Variants in TAF1 observed in about 807,000 individuals in gnomAD.
The protein encoded by TAF1 is transcription initiation factor TFIID subunit 1.
Under a neutral mutation model 138.5 loss-of-function variants are expected in TAF1, and 2 were observed. The observed-to-expected ratio is 0.01, with a 90% CI of 0.01 to 0.05. TAF1 has a LOEUF of 0.05. Among genes scored for constraint, TAF1 ranks in the 10% least tolerant of loss-of-function variants. The pLI is 1.00. For synonymous variants in TAF1, 437 were observed against 503.2 expected (o/e 0.87, Z 1.76); for missense variants, 709 against 1,478.0 (o/e 0.48, Z 8.53).
At chrX:71,499,611 T>C (rs1184047787) in intron 13 of TAF1, among the ~76,000 whole-genome samples, 1 of 111,693 alleles carries the variant, frequency 9.0e-6, no homozygotes, top group African/African-American at 3.3e-5. Flanking sequence ...TAATTCTCTT[T>C]AGTCCTTCTA....
chrX:71,517,370 T>C (rs1317530435), intron 13 of TAF1, among the ~76,000 whole-genome samples: 1 of 112,326 alleles, frequency 8.9e-6, no homozygotes, highest in East Asian at 2.8e-4. Flanking sequence ...GGATAAATGC[T>C]TGAGGTGACA....
chrX:71,424,123 G>GTA (rs1269934621), intron 31 of TAF1, 31 bp from the exon 32 acceptor site: 55 of 1,191,931 alleles, frequency 4.6e-5, no homozygotes, highest in Non-Finnish European at 6.1e-5. Context: ...GTGTGTGTGT[G>GTA]TATCTGAGTG....
At chrX:71,373,411 G>T (rs756539063) in intron 3 of TAF1, among the ~76,000 whole-genome samples, 1 of 106,257 alleles carries the variant, frequency 9.4e-6, no homozygotes, top group Non-Finnish European at 1.9e-5. Flanking sequence ...CAGGCAATCC[G>T]CTCGCCTCAG....
intron 18 of TAF1, among the ~76,000 whole-genome samples, chrX:71,391,135 A>G (rs2034540208): frequency 9.0e-6 from 1 of 111,674 alleles, no homozygotes; most frequent in African/African-American, 3.2e-5. Flanking sequence ...CCTGGCCTCT[A>G]CTTTCTTCCC....
chrX:71,473,926 C>T (rs1388342962), intron 13 of TAF1, among the ~76,000 whole-genome samples: 1 of 110,595 alleles, frequency 9.0e-6, no homozygotes, highest in Middle Eastern at 4.2e-3. Context: ...AGGGTGATCA[C>T]CTGAAGTCAA....
At chrX:71,475,712 G>A (rs1033574215) in intron 13 of TAF1, among the ~76,000 whole-genome samples, 1 of 111,313 alleles carries the variant, frequency 9.0e-6, no homozygotes, top group African/African-American at 3.3e-5. Context: ...AGACAGTCTA[G>A]ATTCATGAAT....
chrX:71,501,241 T>C, intron 13 of TAF1, among the ~76,000 whole-genome samples: 1 of 110,741 alleles, frequency 9.0e-6, no homozygotes, highest in South Asian at 3.9e-4. Context: ...GAATAGCTTT[T>C]GTTAGGCCTG....
chrX:71,366,554 G>A (rs936719491), intron 1 of TAF1, 60 bp downstream of exon 1: 1 of 1,056,564 alleles, frequency 9.5e-7, no homozygotes, highest in Non-Finnish European at 1.3e-6. Flanking sequence ...GGAAGGAGGT[G>A]CGGGGAGGAA....
At chrX:71,508,955 T>C (rs769618952) in intron 13 of TAF1, among the ~76,000 whole-genome samples, 2 of 109,043 alleles carry the variant, frequency 1.8e-5, no homozygotes, top group South Asian at 7.9e-4. Context: ...TATGGGAGCG[T>C]GCCACCACAG....
At chrX:71,447,736 C>A (rs2037765274) in intron 32 of TAF1, among the ~76,000 whole-genome samples, 1 of 110,031 alleles carries the variant, frequency 9.1e-6, no homozygotes, top group Non-Finnish European at 1.9e-5. Context: ...TGCTTTCCCC[C>A]CTTACTGGAA....
At position 71,512,817 on chromosome X, in the gene TAF1, C is replaced by CA. The variant is rs1050524867; in HGVS notation, c.1367-15715dup. The stretch of plus-strand genomic sequence containing the variant: ...TGGACAACAGAGCATGACTCAGTCT[C>CA]AAAAAAAAAAGTACATAGTACATAC... On this transcript the variant is annotated intron_variant and NMD_transcript_variant, in intron 13 of 14. Transcript: ENST00000373775. Among the ~76,000 whole-genome samples, 18 of 103,691 alleles carry CA rather than the reference C, an allele frequency of 1.7e-4. No homozygotes were observed. In the East Asian group the frequency reaches 2.7e-3, roughly 15 times the overall value. 90.0% of individuals were successfully genotyped at this position (103,691 alleles called of 115,157 possible).
rs934908904 is a variant in TAF1, at chrX:71,471,377, A to T, written c.1366+10574A>T. Among the ~76,000 whole-genome samples, 3 of 106,740 alleles carry T rather than the reference A, an allele frequency of 2.8e-5. No individual in the cohort carries two copies. In the Admixed American group the frequency reaches 3.1e-4, roughly 11 times the overall value. 92.7% of individuals were successfully genotyped at this position (106,740 alleles called of 115,157 possible). On this transcript the variant is annotated intron_variant and NMD_transcript_variant, in intron 13 of 14. Coordinates refer to the TAF1 transcript ENST00000373775. ...CACACACACACACACACACACATGA[A>T]TGGAACCCAGATATATATTATGCTT...
At chrX:71,527,207 G>A (rs189002771) in intron 13 of TAF1, among the ~76,000 whole-genome samples, 1,211 of 108,444 alleles carry the variant, frequency 0.011, 4 homozygotes, top group Admixed American at 0.018. Context: ...CCAACATAGC[G>A]AAACCCCGTC....
At position 71,378,081 on chromosome X, in the gene TAF1, A is replaced by G; in HGVS notation, c.934-154A>G. ...TAAGAAGGTTTGATTGATAGGTGGA[A>G]TGTGCTATGATACATCTCCATTGTT... is the stretch of plus-strand genomic sequence containing the variant. On this transcript the variant is annotated intron_variant, in intron 6 of 37. Coordinates refer to ENST00000423759, the MANE Select transcript of TAF1 (RefSeq NM_004606.5). The G allele has an allele frequency of 9.9e-6, 6 of 605,297 alleles. No individual in the cohort carries two copies. The South Asian group carries it at 1.8e-4, about 18-fold the overall frequency. The allele number at this position is 605,297 out of a possible 1,213,427, so 49.9% of individuals were successfully genotyped here.
At chrX:71,507,715 A>T (rs1187696179) in intron 13 of TAF1, among the ~76,000 whole-genome samples, 1 of 111,537 alleles carries the variant, frequency 9.0e-6, no homozygotes, top group Non-Finnish European at 1.9e-5. Flanking sequence ...TCAGCCTCCC[A>T]AAGTGCTGGG....
intron 32 of TAF1, among the ~76,000 whole-genome samples, chrX:71,442,886 A>C (rs10081839): frequency 0.031 from 3,479 of 111,979 alleles, 105 homozygotes; most frequent in African/African-American, 0.094. Flanking sequence ...ATACGGCTAG[A>C]CAGTTTTCCC....
intron 3 of TAF1, among the ~76,000 whole-genome samples, chrX:71,371,082 T>A (rs1484522506): frequency 8.9e-6 from 1 of 111,843 alleles, no homozygotes; most frequent in Non-Finnish European, 1.9e-5. Flanking sequence ...GTAGAAGTTA[T>A]AATTTCCAGG....
At chrX:71,439,641 C>T in intron 32 of TAF1, among the ~76,000 whole-genome samples, 1 of 112,335 alleles carries the variant, frequency 8.9e-6, no homozygotes, top group Middle Eastern at 4.6e-3. Flanking sequence ...ACTTATTACG[C>T]TGCTCTCAGC....
chrX:71,403,185 C>T (rs1452372083), intron 25 of TAF1, among the ~76,000 whole-genome samples: 1 of 110,338 alleles, frequency 9.1e-6, no homozygotes, highest in African/African-American at 3.3e-5. Flanking sequence ...TGCAGTACCA[C>T]ACCTGGCTAA....
Sources: allele counts gnomAD v4.1 joint callset (sites outside exome capture counted in the v4.1 genomes callset), GRCh38; gene constraint gnomAD v4.1.1; transcripts MANE v1.5; gene names NCBI Gene and HGNC (gene_info 2026-07-23, HGNC 2026-07-21).